The following AFF3 variants were observed in gnomAD, a reference collection of about 807,000 sequenced individuals.
AFF3 encodes the protein AF4/FMR2 family member 3.
A neutral mutation model predicts 129.7 loss-of-function variants in AFF3; 32 were observed. The observed-to-expected ratio is 0.25, with a 90% CI of 0.19 to 0.33. AFF3 has a LOEUF of 0.33. Among genes scored for constraint, AFF3 ranks in the 10% least tolerant of loss-of-function variants. The probability of loss-of-function intolerance (pLI) is 1.00; values close to 1 mark genes in which losing one functional copy is unlikely to be tolerated. For missense variants in AFF3, 1,373 were observed against 1,592.0 expected (o/e 0.86, Z 2.34); for synonymous variants, 644 against 635.4 (o/e 1.01, Z -0.20).
At chr2:99,591,627 A>G (rs1678692307) in intron 15 of AFF3, among the ~76,000 whole-genome samples, 1 of 152,260 alleles carries the variant, frequency 6.6e-6, no homozygotes, top group Non-Finnish European at 1.5e-5. Context: ...CAAGGTAACA[A>G]GCTGTACTCC....
intron 7 of AFF3, among the ~76,000 whole-genome samples, chr2:99,971,034 AAC>A (rs1427491310): frequency 1.3e-5 from 2 of 152,196 alleles, no homozygotes; most frequent in African/African-American, 4.8e-5. Flanking sequence ...AATCTTCATA[AAC>A]ACCTACAGTA....
chr2:99,871,794 G>A (rs1373978991), intron 7 of AFF3, among the ~76,000 whole-genome samples: 3 of 152,098 alleles, frequency 2.0e-5, no homozygotes, highest in Non-Finnish European at 1.5e-5. Flanking sequence ...TTCACTACCT[G>A]GGTGATGGGT....
chr2:100,043,618 G>T (rs1685608378), intron 4 of AFF3, among the ~76,000 whole-genome samples: 1 of 152,160 alleles, frequency 6.6e-6, no homozygotes, highest in African/African-American at 2.4e-5. Context: ...GTTTCATAAT[G>T]CAGGACGTTA....
intron 4 of AFF3, among the ~76,000 whole-genome samples, chr2:100,033,810 G>A (rs1684702211): frequency 6.6e-6 from 1 of 152,058 alleles, no homozygotes; most frequent in Non-Finnish European, 1.5e-5. Context: ...AACTTTATAA[G>A]AACCTCTGCA....
chr2:99,979,777 C>T (rs1407818367), intron 7 of AFF3, among the ~76,000 whole-genome samples: 1 of 152,164 alleles, frequency 6.6e-6, no homozygotes, highest in Non-Finnish European at 1.5e-5. Flanking sequence ...GCCACTGCAC[C>T]CGGCCTATTC....
chr2:100,092,703 T>A (rs555325566), intron 4 of AFF3, among the ~76,000 whole-genome samples: 1 of 152,112 alleles, frequency 6.6e-6, no homozygotes, highest in African/African-American at 2.4e-5. Context: ...TCTTTGCCTT[T>A]CCTTACATTA....
At chr2:100,086,348 C>A in intron 4 of AFF3, among the ~76,000 whole-genome samples, 1 of 151,308 alleles carries the variant, frequency 6.6e-6, no homozygotes, top group Non-Finnish European at 1.5e-5. Flanking sequence ...AGGTGAAACC[C>A]AGTCTCTACT....
At chr2:99,590,822 C>T (rs931277182) in intron 15 of AFF3, among the ~76,000 whole-genome samples, 10 of 151,932 alleles carry the variant, frequency 6.6e-5, no homozygotes, top group Admixed American at 1.3e-4. Flanking sequence ...GGTGAAACCC[C>T]GTCTGTACTA....
intron 4 of AFF3, among the ~76,000 whole-genome samples, chr2:100,032,700 C>T (rs1428371968): frequency 1.3e-5 from 2 of 152,066 alleles, no homozygotes; most frequent in East Asian, 1.9e-4. Context: ...CCCACTGCTC[C>T]GCGGTGCCAA....
chr2:99,712,589 C>A (rs1345101910), intron 11 of AFF3, among the ~76,000 whole-genome samples: 1 of 152,164 alleles, frequency 6.6e-6, no homozygotes, highest in Admixed American at 6.5e-5. Context: ...TTGTGACCTG[C>A]ATTTAAAAAG....
At chr2:99,555,955 G>A (rs767026357) in intron 22 of AFF3, among the ~76,000 whole-genome samples, 25 of 152,162 alleles carry the variant, frequency 1.6e-4, no homozygotes, top group South Asian at 4.1e-4. Flanking sequence ...CCTGAACAGG[G>A]GAGCTTATCC....
At chr2:99,609,729 C>T (rs1355879877) in intron 13 of AFF3, among the ~76,000 whole-genome samples, 3 of 152,180 alleles carry the variant, frequency 2.0e-5, no homozygotes, top group Admixed American at 1.3e-4. Flanking sequence ...CGTTCTTGTG[C>T]CCCTCACCCA....
At chr2:99,642,112 T>C (rs1434104342) in intron 13 of AFF3, among the ~76,000 whole-genome samples, 1 of 152,186 alleles carries the variant, frequency 6.6e-6, no homozygotes, top group Admixed American at 6.5e-5. Flanking sequence ...CTTTAAGTCA[T>C]GTCAACGGTA....
chr2:100,038,393 T>C (rs1006903923), intron 4 of AFF3, among the ~76,000 whole-genome samples: 10 of 151,858 alleles, frequency 6.6e-5, no homozygotes, highest in South Asian at 2.1e-4. Flanking sequence ...AAAGGGCTCA[T>C]TTATAAAAAA....
intron 11 of AFF3, among the ~76,000 whole-genome samples, chr2:99,701,848 C>A (rs1265302082): frequency 1.3e-5 from 2 of 152,250 alleles, no homozygotes; most frequent in African/African-American, 4.8e-5. Flanking sequence ...CCACAGGTAA[C>A]CACTGATCTG....
intron 7 of AFF3, among the ~76,000 whole-genome samples, chr2:99,949,785 C>T (rs190489258): frequency 6.0e-4 from 91 of 152,318 alleles, no homozygotes; most frequent in African/African-American, 2.0e-3. Context: ...TTCTGCTGTG[C>T]GGCCCAGTTA....
Position 99,554,824 on chromosome 2 carries a change from G to C in AFF3, c.3286-92C>G. ...TGTTTTCAGGTGACTGCAGAGAGAAGCAAAGGCAGACACTGCAGGAAAAAG... is the reference window on the plus strand; with the variant it reads ...TGTTTTCAGGTGACTGCAGAGAGAACCAAAGGCAGACACTGCAGGAAAAAG... On this transcript the variant is annotated intron_variant, in intron 22 of 24. Coordinates refer to ENST00000672756, the MANE Select transcript of AFF3 (RefSeq NM_001386135.1). 3 of 1,463,672 alleles carry C rather than the reference G, an allele frequency of 2.0e-6. No individual in the cohort carries two copies. The South Asian group carries it at 3.5e-5, about 17-fold the overall frequency. 90.7% of individuals were successfully genotyped at this position (1,463,672 alleles called of 1,614,324 possible). A position where few individuals can be genotyped will look rare whatever the true frequency, so the allele number is the denominator to read the frequency against.
At chr2:99,782,748 A>G (rs576776421) in intron 8 of AFF3, among the ~76,000 whole-genome samples, 5 of 152,252 alleles carry the variant, frequency 3.3e-5, no homozygotes, top group Non-Finnish European at 7.3e-5. Context: ...TGGCAAACTC[A>G]GAGACAAGAC....
intron 4 of AFF3, among the ~76,000 whole-genome samples, chr2:100,080,412 T>C (rs1054258330): frequency 3.3e-5 from 5 of 152,126 alleles, no homozygotes; most frequent in African/African-American, 1.2e-4. Context: ...TACATTTTTA[T>C]CTGGGGCCTT....
Sources: gnomAD v4.1 joint callset for allele counts (sites outside exome capture counted in the v4.1 genomes callset) on GRCh38, gnomAD v4.1.1 for gene constraint, MANE v1.5 for transcripts, NCBI Gene and HGNC (gene_info 2026-07-23, HGNC 2026-07-21) for gene names.